NIT1: variants seen among roughly 807,000 people sequenced by gnomAD.
The protein encoded by NIT1 is deaminated glutathione amidase.
Under a neutral mutation model 36.8 loss-of-function variants are expected in NIT1, and 30 were observed. The ratio of observed to expected loss-of-function variants is 0.82; its 90% CI spans 0.61 to 1.11. NIT1 has a LOEUF of 1.11. NIT1 is among the 50% of genes least tolerant of loss of function. NIT1 has a pLI of 0.00. For missense variants in NIT1, 438 were observed against 410.6 expected, an observed-to-expected ratio of 1.07 and a Z score of -0.58; for synonymous variants, 151 against 155.6, an observed-to-expected ratio of 0.97 and a Z score of 0.22.
downstream of NIT1, chr1:161,122,631 C>T: frequency 7.4e-7 from 1 of 1,355,706 alleles, no homozygotes; most frequent in South Asian, 1.4e-5. This position sits in a 1 kb window ranked among gnomAD's most constrained non-coding sequence, Gnocchi z 4.2. Flanking sequence ...TAGGGAATAT[C>T]ACCTGACAGC....
At chr1:161,124,286 T>G (rs776848050), downstream of NIT1, 3 of 1,614,134 alleles carry the variant, frequency 1.9e-6, no homozygotes, top group Non-Finnish European at 2.5e-6. Context: ...TTCGGATGAG[T>G]CCACGCTCGT....
rs1484427205 is a variant in NIT1, at chr1:161,119,262, G to T, written c.227G>T (p.Arg76Ile). The T allele has an allele frequency of 1.2e-6, 2 of 1,614,240 alleles. No individual in the cohort carries two copies. The highest frequency in any genetic ancestry group is 1.7e-5 in the Admixed American group (1 of 60,032). The change falls in exon 3 of 7, where the codon AGA (arginine) becomes ATA (isoleucine). Residue 76 changes from arginine (R) to isoleucine (I), a missense_variant. Transcript: ENST00000368009. Reference sequence around the variant, plus strand: ...GCTGAGCTGGTTCGAGAGGCTGCCAGACTGGGTGCCTGCCTGGCTTTCCTG... The same window carrying T: ...GCTGAGCTGGTTCGAGAGGCTGCCATACTGGGTGCCTGCCTGGCTTTCCTG... The part of the protein sequence containing the change: ...TCAELVREAA[R>I]LGACLAFLPE...
downstream of NIT1, among the ~76,000 whole-genome samples, chr1:161,123,677 C>T (rs1216549025): frequency 1.3e-5 from 2 of 148,510 alleles, no homozygotes; most frequent in East Asian, 2.0e-4. Context: ...AGAGCAAATA[C>T]AGGACCTAGG....
At chr1:161,123,092 T>A (rs534874719), downstream of NIT1, 2 of 1,614,208 alleles carry the variant, frequency 1.2e-6, no homozygotes, top group East Asian at 2.2e-5. Context: ...CTGCTTCTCC[T>A]TGGGATCTGG....
downstream of NIT1, chr1:161,121,813 T>C (rs1446312344): frequency 4.5e-6 from 1 of 224,230 alleles, no homozygotes; most frequent in Non-Finnish European, 9.0e-6. Context: ...CCTTAGTGCA[T>C]CCAAAAAAAA....
At position 161,120,702 on chromosome 1, in the gene NIT1, C is replaced by T. The variant is rs753571571; in HGVS notation, c.921C>T (p.His307=). ...ACTATCTGCGACAGTTGCGCCGACA[C>T]CTGCCTGTGTTCCAGCACCGCAGGC... The part of the protein sequence containing the change: ...DLNYLRQLRR[H]LPVFQHRRPD... Residue 307 remains histidine (H), a synonymous_variant, in exon 7 of 7, where the codon CAC becomes CAT. Transcript: ENST00000368009. The T allele has an allele frequency of 5.3e-5, 86 of 1,613,924 alleles. No individual in the cohort carries two copies. The highest frequency in any genetic ancestry group is 7.0e-5 in the Non-Finnish European group (83 of 1,180,038).
chr1:161,120,395 T>C (rs1655324425), intron 6 of NIT1, 104 bp from the exon 7 acceptor site: 3 of 1,464,956 alleles, frequency 2.0e-6, no homozygotes, highest in Non-Finnish European at 2.8e-6. Context: ...CCTAGGCAAT[T>C]ACCAAAATAG....
chr1:161,120,711 G>A lies in NIT1; in HGVS notation c.930G>A (p.Val310=), dbSNP rs774026600. 1.2e-6 allele frequency: 2 copies of A among 1,613,878 alleles called. No individual in the cohort carries two copies. The highest frequency in any genetic ancestry group is 2.7e-5 in the African/African-American group (2 of 74,950). The change falls in exon 7 of 7, where the codon GTG becomes GTA. Residue 310 remains valine (V), a synonymous_variant. Transcript: ENST00000368009. ...GACAGTTGCGCCGACACCTGCCTGT[G>A]TTCCAGCACCGCAGGCCTGACCTCT... is the stretch of plus-strand genomic sequence containing the variant. ...YLRQLRRHLP[V]FQHRRPDLYG...
chr1:161,123,020 T>C (rs751466070), downstream of NIT1: 28 of 1,614,252 alleles, frequency 1.7e-5, no homozygotes, highest in Non-Finnish European at 2.4e-5. Flanking sequence ...TCCCAGCAGT[T>C]CTTTATATTC....
At position 161,119,380 on chromosome 1, in the gene NIT1, G is replaced by A; in HGVS notation, c.345G>A (p.Gln115=). Residue 115 remains glutamine (Q), a synonymous_variant, in exon 3 of 7, where the codon CAG becomes CAA. Transcript: ENST00000368009. ...GGAAACTTTTGGAAGAATACACCCA[G>A]CTTGCCAGGTATCAGGGAAATAGCG... The part of the protein sequence containing the change: ...LGGKLLEEYT[Q]LARECGLWLS... The A allele has an allele frequency of 6.2e-7, 1 of 1,613,832 alleles. No individual in the cohort carries two copies. The highest frequency in any genetic ancestry group is 2.2e-5 in the East Asian group (1 of 44,876).
intron 1 of NIT1, 28 bp downstream of exon 1, chr1:161,118,206 C>T (rs1557968438): frequency 6.2e-7 from 1 of 1,613,914 alleles, no homozygotes; most frequent in African/African-American, 1.3e-5. Flanking sequence ...TCCCGTCGGC[C>T]GCGGTGAATC....
chr1:161,124,644 T>C, downstream of NIT1: 1 of 1,289,952 alleles, frequency 7.8e-7, no homozygotes, highest in Non-Finnish European at 1.0e-6. Flanking sequence ...TACATGTTTA[T>C]TAAATTTTTG....
downstream of NIT1, chr1:161,122,156 T>C (rs1135787): frequency 1.9e-6 from 3 of 1,612,912 alleles, no homozygotes; most frequent in African/African-American, 4.0e-5. This position sits in a 1 kb window ranked among gnomAD's most constrained non-coding sequence, Gnocchi z 4.2. Context: ...GTCAGGGCAA[T>C]GCTTGCAGCA....
Position 161,118,137 on chromosome 1 carries a change from C to A in NIT1, c.-40C>A. On this transcript the variant is annotated 5_prime_UTR_variant, in exon 1 of 7. Coordinates refer to ENST00000368009, the MANE Select transcript of NIT1 (RefSeq NM_005600.3). ...GCGGCGCTTCTGGCTCCAGACCGCCCTCCGGATCGGACCCTGCGAATGGTT... is the reference window on the plus strand; with the variant it reads ...GCGGCGCTTCTGGCTCCAGACCGCCATCCGGATCGGACCCTGCGAATGGTT... 6.2e-7 allele frequency: 1 copy of A among 1,613,922 alleles called. No homozygotes were observed. The highest frequency in any genetic ancestry group is 8.5e-7 in the Non-Finnish European group (1 of 1,179,910).
chr1:161,121,361 C>A, downstream of NIT1: 1 of 181,552 alleles, frequency 5.5e-6, no homozygotes, highest in Non-Finnish European at 1.1e-5. Flanking sequence ...TTCACTTGAA[C>A]ATGGAAAGAA....
chr1:161,119,572 T>C lies in NIT1; in HGVS notation c.417T>C (p.Thr139=). 1 of 1,614,152 alleles carries C rather than the reference T, an allele frequency of 6.2e-7. No homozygotes were observed. Among genetic ancestry groups the C allele is most frequent in the Non-Finnish European group, 8.5e-7 (1 of 1,180,012 alleles). The change falls in exon 4 of 7, where the codon ACT becomes ACC. Residue 139 remains threonine (T), a synonymous_variant. Transcript: ENST00000368009. The stretch of plus-strand genomic sequence containing the variant: ...AGCGTGGCCAAGACTGGGAGCAGAC[T>C]CAGAAAATCTACAATTGTCACGTGC... ...FHERGQDWEQ[T]QKIYNCHVLL...
chr1:161,122,327 G>A (rs540627506), downstream of NIT1: 3 of 1,614,230 alleles, frequency 1.9e-6, no homozygotes, highest in Admixed American at 5.0e-5. This position sits in a 1 kb window ranked among gnomAD's most constrained non-coding sequence, Gnocchi z 4.2. Flanking sequence ...AGTCACGCCA[G>A]AATGCATCGA....
downstream of NIT1, chr1:161,124,681 GC>G: frequency 9.9e-7 from 1 of 1,014,852 alleles, no homozygotes; most frequent in Non-Finnish European, 1.3e-6. Context: ...ATAAACACTG[GC>G]CAGGCACAGG....
At position 161,119,583 on chromosome 1, in the gene NIT1, A is replaced by G. The variant is rs767668880; in HGVS notation, c.428A>G (p.Tyr143Cys). 2 of 1,614,022 alleles carry G rather than the reference A, an allele frequency of 1.2e-6. No individual in the cohort carries two copies. Among genetic ancestry groups the G allele is most frequent in the Non-Finnish European group, 1.7e-6 (2 of 1,180,016 alleles). Residue 143 changes from tyrosine to cysteine, a missense_variant, in exon 4 of 7, where the codon TAC (tyrosine) becomes TGC (cysteine). Transcript: ENST00000368009. ...GQDWEQTQKI[Y>C]NCHVLLNSKG... ...GACTGGGAGCAGACTCAGAAAATCT[A>G]CAATTGTCACGTGCTGCTGAACAGC...
Sources: gnomAD v4.1 joint callset for allele counts (sites outside exome capture counted in the v4.1 genomes callset) on GRCh38, gnomAD v4.1.1 for gene constraint, Gnocchi (gnomAD v3.1) non-coding constraint, MANE v1.5 for transcripts, NCBI Gene and HGNC (gene_info 2026-07-23, HGNC 2026-07-21) for gene names.